SCAPER: variants seen among roughly 807,000 people sequenced by gnomAD.
SCAPER encodes S-phase cyclin A associated protein in the ER.
Under a neutral mutation model 182.2 loss-of-function variants are expected in SCAPER, and 98 were observed. The ratio of observed to expected loss-of-function variants is 0.54; its 90% CI spans 0.46 to 0.64. The LOEUF is 0.64. SCAPER is among the 30% of genes least tolerant of loss of function. SCAPER has a pLI of 0.00. For synonymous variants in SCAPER, 605 were observed against 564.6 expected, an observed-to-expected ratio of 1.07 and a Z score of -1.01; for missense variants, 1,432 against 1,690.0, an observed-to-expected ratio of 0.85 and a Z score of 2.68.
chr15:76,533,103 A>C (rs963961274), intron 23 of SCAPER, among the ~76,000 whole-genome samples: 26 of 152,326 alleles, frequency 1.7e-4, no homozygotes, highest in African/African-American at 6.3e-4. Context: ...GTTAAACAGT[A>C]AACTGGGAAA....
intron 5 of SCAPER, among the ~76,000 whole-genome samples, chr15:76,824,702 CTTCAGTT>C (rs2067847883): frequency 1.3e-5 from 2 of 149,914 alleles, no homozygotes; most frequent in South Asian, 4.5e-4. Flanking sequence ...CATTCACAAT[CTTCAGTT>C]TTCAATCACT....
intron 26 of SCAPER, among the ~76,000 whole-genome samples, chr15:76,432,476 G>A (rs536649605): frequency 6.6e-6 from 1 of 152,340 alleles, no homozygotes; most frequent in African/African-American, 2.4e-5. Flanking sequence ...TGCGAAAGAA[G>A]CAAATACAGA....
intron 29 of SCAPER, among the ~76,000 whole-genome samples, chr15:76,374,713 C>A (rs1271829168): frequency 6.6e-6 from 1 of 151,692 alleles, no homozygotes; most frequent in African/African-American, 2.4e-5. Flanking sequence ...TCTCGAACTC[C>A]TGACCTCAGG....
At chr15:76,660,743 A>G (rs1044055736) in intron 21 of SCAPER, among the ~76,000 whole-genome samples, 1 of 152,188 alleles carries the variant, frequency 6.6e-6, no homozygotes, top group African/African-American at 2.4e-5. Flanking sequence ...GTAGTATGAT[A>G]GTAAAAACAG....
intron 20 of SCAPER, among the ~76,000 whole-genome samples, chr15:76,699,810 C>T (rs1225210634): frequency 6.6e-6 from 1 of 152,236 alleles, no homozygotes; most frequent in African/African-American, 2.4e-5. Context: ...CTAGCAGTCA[C>T]AGGTTCCACA....
chr15:76,874,744 A>G (rs2151930526), intron 2 of SCAPER, among the ~76,000 whole-genome samples: 1 of 152,146 alleles, frequency 6.6e-6, no homozygotes, highest in Non-Finnish European at 1.5e-5. Context: ...ACTGCTTGAG[A>G]CCAAGAGTTC....
chr15:76,625,621 T>C (rs1367488222), intron 21 of SCAPER, among the ~76,000 whole-genome samples: 3 of 152,078 alleles, frequency 2.0e-5, no homozygotes, highest in Non-Finnish European at 4.4e-5. Context: ...CAGACTCTGA[T>C]TGTGGCACCT....
chr15:76,588,895 C>T (rs1444849891), intron 22 of SCAPER, among the ~76,000 whole-genome samples: 1 of 152,098 alleles, frequency 6.6e-6, no homozygotes, highest in African/African-American at 2.4e-5. Flanking sequence ...AGATCTGGCA[C>T]TCAAGGCTGC....
At chr15:76,811,121 CAAAAAA>C (rs71447123) in intron 5 of SCAPER, among the ~76,000 whole-genome samples, 2 of 105,472 alleles carry the variant, frequency 1.9e-5, no homozygotes, top group South Asian at 5.7e-4. Context: ...ATAGAATTTA[CAAAAAA>C]AAAAAAAAAG....
chr15:76,629,443 G>A (rs71636322), intron 21 of SCAPER, among the ~76,000 whole-genome samples: 1 of 152,084 alleles, frequency 6.6e-6, no homozygotes, highest in African/African-American at 2.4e-5. Context: ...CTTCAATACC[G>A]AGTTTATTGA....
Position 76,774,895 on chromosome 15 carries a change from G to A in SCAPER, c.995C>T (p.Ser332Leu). 1 of 1,613,438 alleles carries A rather than the reference G, an allele frequency of 6.2e-7. No individual in the cohort carries two copies. Among genetic ancestry groups the A allele is most frequent in the Non-Finnish European group, 8.5e-7 (1 of 1,179,640 alleles). ...AAGAGGATGGTCACAAGAGTGTAAT[G>A]AGTCTTTGGGATGAGATTCTATAGT... Reference protein sequence around the residue: ...SNTIESHPKDSLHSCDHPLAE... With the variant: ...SNTIESHPKDLLHSCDHPLAE... Residue 332 changes from serine (S) to leucine (L), a missense_variant, in exon 9 of 32, where the codon TCA (serine) becomes TTA (leucine). Ser to Leu is a moderately radical substitution (Grantham distance 145). Around this residue, in one of 5 missense-constraint regions of SCAPER, gnomAD observed 480 missense variants for 510.2 expected, o/e 0.94. Transcript: ENST00000563290.
At chr15:76,622,974 G>A (rs1380788192) in intron 21 of SCAPER, among the ~76,000 whole-genome samples, 3 of 152,152 alleles carry the variant, frequency 2.0e-5, no homozygotes, top group African/African-American at 7.2e-5. Context: ...GAGTGCATGT[G>A]ACATCCAGTT....
chr15:76,531,542 C>T (rs1448286792), intron 23 of SCAPER, among the ~76,000 whole-genome samples: 2 of 151,974 alleles, frequency 1.3e-5, no homozygotes, highest in African/African-American at 4.8e-5. Context: ...CATGGTTTAC[C>T]ACTTATTTGC....
At chr15:76,538,329 A>G (rs1179107510) in intron 23 of SCAPER, among the ~76,000 whole-genome samples, 2 of 149,452 alleles carry the variant, frequency 1.3e-5, no homozygotes, top group East Asian at 1.9e-4. Flanking sequence ...ATGTCCAACA[A>G]TGATAGACTG....
At chr15:76,620,928 G>A (rs2051979178) in intron 22 of SCAPER, among the ~76,000 whole-genome samples, 1 of 152,050 alleles carries the variant, frequency 6.6e-6, no homozygotes, top group Admixed American at 6.6e-5. Context: ...GTGATGGGTT[G>A]ACAGGTACAG....
intron 22 of SCAPER, among the ~76,000 whole-genome samples, chr15:76,618,372 T>C (rs762796423): frequency 6.6e-6 from 1 of 152,234 alleles, no homozygotes; most frequent in African/African-American, 2.4e-5. Context: ...TCCTATCTCA[T>C]ATTCCTTCTT....
intron 10 of SCAPER, among the ~76,000 whole-genome samples, chr15:76,768,936 T>A: frequency 6.6e-6 from 1 of 152,140 alleles, no homozygotes; most frequent in East Asian, 1.9e-4. Context: ...TTTGGGCAAG[T>A]GAATGAACAA....
At chr15:76,350,522 TGAA>T (rs1303713321) in intron 31 of SCAPER, 2 of 152,208 alleles carry the variant, frequency 1.3e-5, no homozygotes, top group South Asian at 2.1e-4. Context: ...ATGGAAGAAT[TGAA>T]GAAGATCTGG....
intron 8 of SCAPER, among the ~76,000 whole-genome samples, chr15:76,783,986 G>A (rs1486625263): frequency 6.6e-6 from 1 of 152,212 alleles, no homozygotes; most frequent in Non-Finnish European, 1.5e-5. Flanking sequence ...AGACAAGGAT[G>A]CTCTTTCTCA....
Sources: allele counts gnomAD v4.1 joint callset (sites outside exome capture counted in the v4.1 genomes callset), GRCh38; gene constraint gnomAD v4.1.1; regional missense constraint gnomAD v4.1.1; transcripts MANE v1.5; gene names NCBI Gene and HGNC (gene_info 2026-07-23, HGNC 2026-07-21).